PRDM11: variants seen among roughly 807,000 people sequenced by gnomAD.
PRDM11 encodes the protein PR domain-containing protein 11.
In PRDM11, 20 loss-of-function variants were observed where a neutral mutation model predicts 97.8. That is an observed-to-expected ratio of 0.20 (90% confidence interval 0.14 to 0.30). The LOEUF is 0.30. PRDM11 is among the 10% of genes least tolerant of loss of function. The pLI, the probability that PRDM11 is intolerant of heterozygous loss-of-function variation, is 1.00. For missense variants in PRDM11, 1,139 were observed against 1,555.2 expected (o/e 0.73, Z 4.50); for synonymous variants, 599 against 637.7 (o/e 0.94, Z 0.91).
At position 45,115,520 on chromosome 11, in the gene PRDM11, C is replaced by T. The variant is rs73464523; in HGVS notation, c.96+19619C>T. On this transcript the variant is annotated intron_variant, in intron 1 of 6. Transcript: ENST00000530656. Reference sequence around the variant, plus strand: ...TAGTTAAAAAGCAGAGCTTATCAGACTGAGCTAAAAGAGAAAGAACCAATT... The same window carrying T: ...TAGTTAAAAAGCAGAGCTTATCAGATTGAGCTAAAAGAGAAAGAACCAATT... Among the ~76,000 whole-genome samples the T allele has an allele frequency of 4.4e-3, 674 of 152,142 alleles. 7 individuals are homozygous for T. Among genetic ancestry groups the T allele is most frequent in the African/African-American group, 0.015 (618 of 41,506 alleles).
intron 5 of PRDM11, among the ~76,000 whole-genome samples, chr11:45,210,886 TG>T (rs1260307535): frequency 6.6e-6 from 1 of 151,942 alleles, no homozygotes; most frequent in Non-Finnish European, 1.5e-5. Flanking sequence ...TAAGAAAAAA[TG>T]GGGGGGTCAG....
chr11:45,152,829 G>A (rs188256291), intron 1 of PRDM11, among the ~76,000 whole-genome samples: 6 of 152,302 alleles, frequency 3.9e-5, no homozygotes, highest in Admixed American at 2.0e-4. Context: ...GGCCTAACCC[G>A]GATACTTGGC....
At chr11:45,138,188 G>GA (rs1241245497) in intron 1 of PRDM11, among the ~76,000 whole-genome samples, 3 of 152,122 alleles carry the variant, frequency 2.0e-5, no homozygotes, top group Non-Finnish European at 4.4e-5. Flanking sequence ...GAACAGGGGG[G>GA]AAAAACTTGA....
rs1854205179 is a variant in PRDM11, at chr11:45,224,336, G to A, written c.862G>A (p.Asp288Asn). Residue 288 changes from aspartate to asparagine, a missense_variant, in exon 7 of 8, where the codon GAT (aspartate) becomes AAT (asparagine). Around this residue, in one of 2 missense-constraint regions of PRDM11, gnomAD observed 429 missense variants for 510.3 expected, o/e 0.84. Transcript: ENST00000683152. ...QGKSPYKRGFDEGDVHPQAKK... is the reference protein window; with the variant it reads ...QGKSPYKRGFNEGDVHPQAKK... ...CAAAAGTCCCTACAAGCGTGGCTTT[G>A]ATGAGGGGGATGTACACCCCCAAGC... is the stretch of plus-strand genomic sequence containing the variant. The A allele has an allele frequency of 1.2e-6, 2 of 1,614,070 alleles. No homozygotes were observed. Among genetic ancestry groups the A allele is most frequent in the South Asian group, 2.2e-5 (2 of 91,088 alleles).
chr11:45,128,461 C>T (rs189266836), intron 1 of PRDM11, among the ~76,000 whole-genome samples: 28 of 152,172 alleles, frequency 1.8e-4, no homozygotes, highest in Admixed American at 1.4e-3. Flanking sequence ...AGCTGTAGAC[C>T]GGAGCTCTTC....
intron 1 of PRDM11, among the ~76,000 whole-genome samples, chr11:45,107,714 A>G (rs927066115): frequency 1.3e-5 from 2 of 152,184 alleles, no homozygotes; most frequent in African/African-American, 4.8e-5. Context: ...AATCCTCTGT[A>G]GTGTTAAATG....
At chr11:45,139,611 C>T (rs1342479884) in intron 1 of PRDM11, among the ~76,000 whole-genome samples, 1 of 148,842 alleles carries the variant, frequency 6.7e-6, no homozygotes, top group Non-Finnish European at 1.5e-5. Context: ...GGATGTAAAG[C>T]AGGGCATATC....
At chr11:45,146,591 T>A (rs934907167), upstream of PRDM11, 3 of 151,936 alleles carry the variant, frequency 2.0e-5, no homozygotes, top group South Asian at 4.2e-4. Context: ...GGCCCCTGAA[T>A]TGGGGGGTCC....
chr11:45,116,419 A>T (rs933772780), intron 1 of PRDM11, among the ~76,000 whole-genome samples: 1 of 152,252 alleles, frequency 6.6e-6, no homozygotes. Context: ...AAATTTTTCA[A>T]AAGATTGAAA....
chr11:45,227,674 G>A lies in PRDM11; in HGVS notation c.3049G>A (p.Glu1017Lys). Residue 1017 changes from glutamate (E) to lysine (K), a missense_variant, in exon 8 of 8, where the codon GAG becomes AAG. Transcript: ENST00000683152. This position sits in a 1 kb window ranked among gnomAD's most constrained non-coding sequence, Gnocchi z 8.0. ...TATGGTGCAAATATTTGATCACCTG[G>A]AGGCCATCCCGACCTTTTCCCGGGA... ...EDMVQIFDHL[E>K]AIPTFSRDVC... is the part of the protein sequence containing the mutation. The A allele has an allele frequency of 1.3e-6, 2 of 1,533,960 alleles. No individual in the cohort carries two copies. The highest frequency in any genetic ancestry group is 1.7e-6 in the Non-Finnish European group (2 of 1,146,732).
At chr11:45,132,618 T>G (rs1852745165) in intron 1 of PRDM11, among the ~76,000 whole-genome samples, 1 of 152,256 alleles carries the variant, frequency 6.6e-6, no homozygotes, top group Non-Finnish European at 1.5e-5. Context: ...CACAGTCATT[T>G]CCTTTCTACT....
At chr11:45,155,105 AG>A (rs1851760116) in intron 1 of PRDM11, among the ~76,000 whole-genome samples, 1 of 152,210 alleles carries the variant, frequency 6.6e-6, no homozygotes. Context: ...AGCAGGCAGG[AG>A]GATCACTTTG....
At chr11:45,141,289 T>A (rs1016402212) in intron 1 of PRDM11, among the ~76,000 whole-genome samples, 2 of 152,208 alleles carry the variant, frequency 1.3e-5, no homozygotes, top group Non-Finnish European at 2.9e-5. Flanking sequence ...TCCCTCCTCC[T>A]GGTGGCTGCA....
intron 4 of PRDM11, among the ~76,000 whole-genome samples, chr11:45,197,732 G>A (rs1158970144): frequency 6.6e-6 from 1 of 152,110 alleles, no homozygotes; most frequent in African/African-American, 2.4e-5. Context: ...GGACATGGAT[G>A]AAGTTGGAAA....
intron 1 of PRDM11, among the ~76,000 whole-genome samples, chr11:45,163,831 G>A (rs1851992514): frequency 6.6e-6 from 1 of 152,210 alleles, no homozygotes; most frequent in Non-Finnish European, 1.5e-5. Context: ...CTTGTCCATT[G>A]GGACAACTGG....
At chr11:45,213,897 T>TTGCCCCTTGCCAGGCCTC (rs1356483065) in intron 5 of PRDM11, 1 of 365,564 alleles carries the variant, frequency 2.7e-6, no homozygotes, top group African/African-American at 2.1e-5. Flanking sequence ...GGGGCAGGTC[T>TTGCCCCTTGCCAGGCCTC]TGCCCCTTGC....
intron 1 of PRDM11, among the ~76,000 whole-genome samples, chr11:45,108,842 C>T (rs1192881258): frequency 6.6e-6 from 1 of 152,264 alleles, no homozygotes. Context: ...ACCCGCAGGC[C>T]AGGCAGCCTG....
At chr11:45,113,838 T>TTG (rs1212263728) in intron 1 of PRDM11, among the ~76,000 whole-genome samples, 32 of 150,872 alleles carry the variant, frequency 2.1e-4, no homozygotes, top group Non-Finnish European at 4.1e-4. Context: ...TGTTTTTTTT[T>TTG]TTTTTTACAA....
At chr11:45,144,569 G>C (rs1364689331), upstream of PRDM11, among the ~76,000 whole-genome samples, 1 of 152,142 alleles carries the variant, frequency 6.6e-6, no homozygotes, top group Non-Finnish European at 1.5e-5. Flanking sequence ...TGGAGGATGG[G>C]ACCACTCCCC....
Sources: gnomAD v4.1 joint callset for allele counts (sites outside exome capture counted in the v4.1 genomes callset) on GRCh38, gnomAD v4.1.1 for gene constraint, gnomAD v4.1.1 regional missense constraint, Gnocchi (gnomAD v3.1) non-coding constraint, MANE v1.5 for transcripts, NCBI Gene and HGNC (gene_info 2026-07-23, HGNC 2026-07-21) for gene names.